MAGI2: variants seen among roughly 807,000 people sequenced by gnomAD.
MAGI2 encodes membrane associated guanylate kinase, WW and PDZ domain containing 2.
Under a neutral mutation model 133.3 loss-of-function variants are expected in MAGI2, and 35 were observed. The observed-to-expected ratio is 0.26, with a 90% CI of 0.20 to 0.35. MAGI2 has a LOEUF of 0.35. Among genes scored for constraint, MAGI2 ranks in the 10% least tolerant of loss-of-function variants. The pLI is 1.00. For missense variants in MAGI2, 1,636 were observed against 1,863.4 expected (o/e 0.88, Z 2.25); for synonymous variants, 729 against 710.6 (o/e 1.03, Z -0.41).
At chr7:78,552,132 G>T (rs1294815323) in intron 3 of MAGI2, among the ~76,000 whole-genome samples, 1 of 146,034 alleles carries the variant, frequency 6.8e-6, no homozygotes, top group African/African-American at 2.5e-5. Context: ...CAAACATAAG[G>T]TATTTTTAAA....
At chr7:78,889,747 A>T (rs181997478) in intron 2 of MAGI2, among the ~76,000 whole-genome samples, 1 of 152,346 alleles carries the variant, frequency 6.6e-6, no homozygotes, top group Admixed American at 6.5e-5. Flanking sequence ...ATGGAAAGGA[A>T]CAACTGATAC....
chr7:78,833,747 G>C (rs143539149), intron 2 of MAGI2, among the ~76,000 whole-genome samples: 106 of 152,256 alleles, frequency 7.0e-4, no homozygotes, highest in Admixed American at 1.1e-3. Flanking sequence ...GCACCCCAGG[G>C]TTCTGTAATA....
intron 9 of MAGI2, among the ~76,000 whole-genome samples, chr7:78,332,318 G>T (rs74468153): frequency 6.6e-6 from 1 of 152,200 alleles, no homozygotes; most frequent in Non-Finnish European, 1.5e-5. Context: ...ATGCAATGAC[G>T]TTGTTTTTAA....
chr7:78,868,308 A>G (rs913417331), intron 2 of MAGI2, among the ~76,000 whole-genome samples: 1 of 152,158 alleles, frequency 6.6e-6, no homozygotes, highest in Admixed American at 6.5e-5. Context: ...AAACAATTCT[A>G]TTTGTTGTTA....
intron 1 of MAGI2, among the ~76,000 whole-genome samples, chr7:79,366,671 C>A (rs191689690): frequency 6.6e-6 from 1 of 152,142 alleles, no homozygotes; most frequent in Admixed American, 6.5e-5. Flanking sequence ...AGGAAACTGG[C>A]AAATTAAACA....
chr7:78,334,269 G>C (rs73134543), intron 9 of MAGI2, among the ~76,000 whole-genome samples: 7,606 of 152,250 alleles, frequency 0.05, 302 homozygotes, highest in African/African-American at 0.1. Context: ...ACTAAGAAGA[G>C]AGGCAGTAAC....
At chr7:79,305,670 G>T (rs966574529) in intron 1 of MAGI2, among the ~76,000 whole-genome samples, 19 of 152,126 alleles carry the variant, frequency 1.2e-4, no homozygotes, top group African/African-American at 4.6e-4. Context: ...CAGCACTTTG[G>T]AAGGACAAGG....
intron 1 of MAGI2, among the ~76,000 whole-genome samples, chr7:79,422,398 C>A (rs1291972030): frequency 6.6e-6 from 1 of 151,848 alleles, no homozygotes; most frequent in Non-Finnish European, 1.5e-5. Context: ...ATATATTTAG[C>A]TACAGAATAC....
intron 2 of MAGI2, among the ~76,000 whole-genome samples, chr7:78,741,737 C>T (rs1364161415): frequency 6.6e-6 from 1 of 152,012 alleles, no homozygotes; most frequent in Non-Finnish European, 1.5e-5. Context: ...AATAGGGATA[C>T]TAACTATACT....
At chr7:78,190,472 A>G (rs909537456) in intron 12 of MAGI2, among the ~76,000 whole-genome samples, 2 of 152,226 alleles carry the variant, frequency 1.3e-5, no homozygotes, top group Non-Finnish European at 2.9e-5. Flanking sequence ...TTTATAATTT[A>G]TCATTCAAAT....
At chr7:78,134,720 C>A in intron 17 of MAGI2, 1 of 254,920 alleles carries the variant, frequency 3.9e-6, no homozygotes, top group Non-Finnish European at 7.5e-6. Context: ...TTAATATAAC[C>A]ATAAAAGTGG....
At chr7:78,477,647 C>G (rs898329627) in intron 6 of MAGI2, among the ~76,000 whole-genome samples, 2 of 151,892 alleles carry the variant, frequency 1.3e-5, no homozygotes, top group African/African-American at 4.8e-5. Context: ...TTATTCACTA[C>G]CAGGAGAACA....
intron 21 of MAGI2, among the ~76,000 whole-genome samples, chr7:78,057,997 A>ATGTGTGTGTGTGTG (rs369803912): frequency 5.0e-5 from 2 of 40,010 alleles, no homozygotes; most frequent in Admixed American, 2.9e-4. Flanking sequence ...ATATATATAT[A>ATGTGTGTGTGTGTG]TATATATGTA....
intron 2 of MAGI2, among the ~76,000 whole-genome samples, chr7:78,669,563 T>G (rs1814082602): frequency 6.6e-6 from 1 of 152,116 alleles, no homozygotes. Context: ...CCTCCCTAAC[T>G]CATTTTATGA....
chr7:79,330,360 A>T (rs1340622253), intron 1 of MAGI2, among the ~76,000 whole-genome samples: 1 of 150,736 alleles, frequency 6.6e-6, no homozygotes, highest in Non-Finnish European at 1.5e-5. Context: ...CGCCCGGCTA[A>T]TTTTTTTTGT....
intron 6 of MAGI2, among the ~76,000 whole-genome samples, chr7:78,397,747 A>G (rs147545606): frequency 1.3e-5 from 2 of 152,148 alleles, no homozygotes; most frequent in East Asian, 1.9e-4. Flanking sequence ...CGCTTCTCAC[A>G]TGACTTCACT....
At chr7:78,539,440 A>G (rs1211387478) in intron 3 of MAGI2, among the ~76,000 whole-genome samples, 1 of 151,376 alleles carries the variant, frequency 6.6e-6, no homozygotes, top group African/African-American at 2.4e-5. Context: ...GAATTTTTGT[A>G]TCTATGTTCA....
chr7:78,104,371 C>T (rs1260835588), intron 20 of MAGI2, among the ~76,000 whole-genome samples: 2 of 151,854 alleles, frequency 1.3e-5, no homozygotes, highest in African/African-American at 4.8e-5. Context: ...TACAGGCGCC[C>T]GCCACCACGC....
intron 2 of MAGI2, among the ~76,000 whole-genome samples, chr7:78,960,793 G>C (rs1802768622): frequency 6.6e-6 from 1 of 152,016 alleles, no homozygotes; most frequent in Non-Finnish European, 1.5e-5. Context: ...TCCAAACCAT[G>C]GTCTTTCCAC....
Sources: gnomAD v4.1 joint callset for allele counts (sites outside exome capture counted in the v4.1 genomes callset) on GRCh38, gnomAD v4.1.1 for gene constraint, MANE v1.5 for transcripts, NCBI Gene and HGNC (gene_info 2026-07-23, HGNC 2026-07-21) for gene names.